Variants in RABGAP1L observed in about 807,000 individuals in gnomAD.
RABGAP1L encodes the protein rab GTPase-activating protein 1-like.
RABGAP1L carries 63 observed loss-of-function variants against 137.7 expected under a neutral mutation model. That is an observed-to-expected ratio of 0.46 (90% CI 0.37 to 0.56). The LOEUF is 0.56. RABGAP1L is among the 20% of genes least tolerant of loss of function. The pLI, the probability that RABGAP1L is intolerant of heterozygous loss-of-function variation, is 0.00. For missense variants in RABGAP1L, 1,095 were observed against 1,244.0 expected (o/e 0.88, Z 1.80); for synonymous variants, 431 against 433.7 (o/e 0.99, Z 0.08).
At position 174,833,451 on chromosome 1, in the gene RABGAP1L, T is replaced by G. The variant is rs77024524; in HGVS notation, c.2340+21491T>G. Among the ~76,000 whole-genome samples the G allele has an allele frequency of 2.9e-3, 112 of 38,088 alleles. 15 individuals are homozygous for G. The highest frequency in any genetic ancestry group is 3.8e-3 in the African/African-American group (96 of 25,432). 25.0% of individuals were successfully genotyped at this position (38,088 alleles called of 152,430 possible). A position where few individuals can be genotyped will look rare whatever the true frequency, so the allele number is the denominator to read the frequency against. Reference sequence around the variant, plus strand: ...ATATATATGTGTGTGTGTGTAGAGATATATATATATATATATAGTAGAGAC... The same window carrying G: ...ATATATATGTGTGTGTGTGTAGAGAGATATATATATATATATAGTAGAGAC... On this transcript the variant is annotated intron_variant, in intron 19 of 25. Coordinates refer to ENST00000681986, the MANE Select transcript of RABGAP1L (RefSeq NM_001366446.1).
In RABGAP1L at chr1:174,761,312, C is replaced by T. The variant is rs1685197312; in HGVS notation, c.2211+8958C>T. The stretch of plus-strand genomic sequence containing the variant: ...AAGATCACACACAAGACTGCCACTT[C>T]ACACTTGGATGGTTGCACAGCAGTC... On this transcript the variant is annotated intron_variant, in intron 18 of 25. Transcript: ENST00000681986. This position sits in a 1 kb window ranked among gnomAD's most constrained non-coding sequence, Gnocchi z 4.0. Among the ~76,000 whole-genome samples, 1 of 152,256 alleles carries T rather than the reference C, an allele frequency of 6.6e-6. No homozygotes were observed. The highest frequency in any genetic ancestry group is 2.4e-5 in the African/African-American group (1 of 41,472).
intron 17 of RABGAP1L, among the ~76,000 whole-genome samples, chr1:174,712,015 G>A (rs996212023): frequency 1.3e-5 from 2 of 152,204 alleles, no homozygotes; most frequent in African/African-American, 2.4e-5. Context: ...GAACTTTTGT[G>A]TCTAGCTAAA....
chr1:174,196,597 C>G (rs1314898141), intron 1 of RABGAP1L, among the ~76,000 whole-genome samples: 1 of 141,460 alleles, frequency 7.1e-6, no homozygotes, highest in African/African-American at 2.6e-5. Context: ...TTTCTCTTTA[C>G]TGAAGTTCTA....
At chr1:174,547,731 T>G (rs1171744202) in intron 13 of RABGAP1L, 18 of 949,992 alleles carry the variant, frequency 1.9e-5, no homozygotes, top group Non-Finnish European at 2.6e-5. Context: ...ATCTGCAAAG[T>G]TTGGATATGG....
At chr1:174,619,038 C>T (rs1173618563) in intron 13 of RABGAP1L, among the ~76,000 whole-genome samples, 1 of 152,052 alleles carries the variant, frequency 6.6e-6, no homozygotes, top group Non-Finnish European at 1.5e-5. Flanking sequence ...GAAAGGGTAT[C>T]AGTGATGGAA....
intron 12 of RABGAP1L, among the ~76,000 whole-genome samples, chr1:174,372,360 G>A (rs1685175689): frequency 6.6e-6 from 1 of 152,052 alleles, no homozygotes; most frequent in African/African-American, 2.4e-5. Flanking sequence ...ATACAGGGCT[G>A]GTGCATAGTT....
At chr1:174,765,695 G>T (rs1248218080) in intron 18 of RABGAP1L, among the ~76,000 whole-genome samples, 1 of 152,010 alleles carries the variant, frequency 6.6e-6, no homozygotes, top group African/African-American at 2.4e-5. Flanking sequence ...CCATTCTGTG[G>T]ACTGTCTTTT....
intron 17 of RABGAP1L, among the ~76,000 whole-genome samples, chr1:174,706,949 G>A (rs1368120712): frequency 1.3e-5 from 2 of 152,050 alleles, no homozygotes; most frequent in African/African-American, 2.4e-5. Context: ...TATTGTTGAC[G>A]GTTATTTGAG....
chr1:174,283,705 G>A (rs1169299751), intron 10 of RABGAP1L, among the ~76,000 whole-genome samples: 1 of 152,028 alleles, frequency 6.6e-6, no homozygotes, highest in South Asian at 2.1e-4. Flanking sequence ...CGAGGTTTTG[G>A]CATGTTGGCC....
chr1:174,397,945 T>C (rs952546198), intron 13 of RABGAP1L, among the ~76,000 whole-genome samples: 2 of 152,170 alleles, frequency 1.3e-5, no homozygotes, highest in East Asian at 3.9e-4. Flanking sequence ...ACTTAAACAA[T>C]TGTAGTTTAG....
intron 17 of RABGAP1L, among the ~76,000 whole-genome samples, chr1:174,713,358 A>G (rs1470917319): frequency 1.3e-5 from 2 of 152,142 alleles, no homozygotes; most frequent in Non-Finnish European, 2.9e-5. Flanking sequence ...GCAGTCTGAT[A>G]TGGTTTTGAT....
At chr1:174,406,089 G>C (rs910437704) in intron 13 of RABGAP1L, among the ~76,000 whole-genome samples, 4 of 152,024 alleles carry the variant, frequency 2.6e-5, no homozygotes. Context: ...TTATATATTT[G>C]CTTATGGTTA....
intron 13 of RABGAP1L, among the ~76,000 whole-genome samples, chr1:174,627,417 T>G (rs906964419): frequency 6.6e-6 from 1 of 152,222 alleles, no homozygotes; most frequent in African/African-American, 2.4e-5. Flanking sequence ...TGATTCTCTT[T>G]GAAAAAGAAT....
intron 17 of RABGAP1L, among the ~76,000 whole-genome samples, chr1:174,708,909 CT>C (rs1273430078): frequency 1.3e-5 from 2 of 152,204 alleles, no homozygotes; most frequent in Non-Finnish European, 2.9e-5. Flanking sequence ...ATCCAACAAG[CT>C]AAGATTCACT....
chr1:174,812,040 T>A (rs1253893529), intron 19 of RABGAP1L, 80 bp downstream of exon 19: 2 of 1,308,188 alleles, frequency 1.5e-6, no homozygotes, highest in Non-Finnish European at 2.0e-6. Flanking sequence ...AATTTTTTTA[T>A]ATGTTGCAAG....
At chr1:174,360,113 T>C (rs544242158) in intron 11 of RABGAP1L, among the ~76,000 whole-genome samples, 3 of 152,344 alleles carry the variant, frequency 2.0e-5, no homozygotes, top group African/African-American at 2.4e-5. Flanking sequence ...TATCCTTTTG[T>C]AGTGGAAAAT....
intron 17 of RABGAP1L, among the ~76,000 whole-genome samples, chr1:174,738,986 C>T (rs1683173006): frequency 6.6e-6 from 1 of 152,182 alleles, no homozygotes; most frequent in Non-Finnish European, 1.5e-5. Context: ...GAGCAATTAA[C>T]TAAACTAATT....
chr1:174,469,632 A>G (rs1036653085), intron 13 of RABGAP1L, among the ~76,000 whole-genome samples: 3 of 152,010 alleles, frequency 2.0e-5, no homozygotes, highest in African/African-American at 7.3e-5. Flanking sequence ...GAAGCTCTAC[A>G]GAAAAAAATC....
At chr1:174,432,629 C>T (rs1203193657) in intron 13 of RABGAP1L, among the ~76,000 whole-genome samples, 1 of 152,110 alleles carries the variant, frequency 6.6e-6, no homozygotes, top group Non-Finnish European at 1.5e-5. Context: ...CCTCTGCCTC[C>T]TGGGTTCAGG....
Sources: gnomAD v4.1 joint callset for allele counts (sites outside exome capture counted in the v4.1 genomes callset) on GRCh38, gnomAD v4.1.1 for gene constraint, Gnocchi (gnomAD v3.1) non-coding constraint, MANE v1.5 for transcripts, NCBI Gene and HGNC (gene_info 2026-07-23, HGNC 2026-07-21) for gene names.